Variants in TAFA5 observed in about 807,000 individuals in gnomAD.
TAFA5 encodes chemokine-like protein TAFA-5.
In TAFA5, 6 loss-of-function variants were observed where a neutral mutation model predicts 15.3. The observed-to-expected ratio is 0.39, with a 90% CI of 0.21 to 0.77. The LOEUF (loss-of-function observed/expected upper bound fraction) is 0.77, where lower values mean the gene tolerates loss of function less well. Ranked by LOEUF, TAFA5 falls within the 30% of genes least tolerant of loss-of-function variation. The pLI, the probability that TAFA5 is intolerant of heterozygous loss-of-function variation, is 0.41. For synonymous variants in TAFA5, 103 were observed against 80.7 expected, an observed-to-expected ratio of 1.28 and a Z score of -1.48; for missense variants, 161 against 193.1, an observed-to-expected ratio of 0.83 and a Z score of 0.98.
rs574873232 is a variant in TAFA5 at position 48,564,825 on chromosome 22, C to A, written c.112+75121C>A. Among the ~76,000 whole-genome samples, 80 of 152,350 alleles carry A rather than the reference C, an allele frequency of 5.3e-4. No individual in the cohort carries two copies. In the South Asian group the frequency reaches 0.016, roughly 31 times the overall value. The stretch of plus-strand genomic sequence containing the variant: ...GCAGCGAGGCTCAGCTGACTATAAC[C>A]AGCATGGAAGCAGGACAGCTACCCC... On this transcript the variant is annotated intron_variant, in intron 1 of 3. Coordinates refer to ENST00000402357, the MANE Select transcript of TAFA5 (RefSeq NM_001082967.3).
chr22:48,694,694 C>A (rs935874663), intron 2 of TAFA5, among the ~76,000 whole-genome samples: 15 of 152,122 alleles, frequency 9.9e-5, no homozygotes, highest in African/African-American at 3.6e-4. Context: ...GGCCACAGTG[C>A]CCTGGCAAGG....
At chr22:48,575,913 G>A (rs1372181850) in intron 1 of TAFA5, among the ~76,000 whole-genome samples, 1 of 142,418 alleles carries the variant, frequency 7.0e-6, no homozygotes, top group Admixed American at 6.9e-5. Context: ...CCTGAGCCCC[G>A]GGCCGGAGCG....
intron 1 of TAFA5, chr22:48,576,385 G>C (rs940569323): frequency 5.2e-5 from 64 of 1,221,920 alleles, no homozygotes; most frequent in African/African-American, 2.4e-4. Flanking sequence ...GGGCGCGAGC[G>C]GGCGGCCGCG....
chr22:48,635,785 A>T (rs1249913197), intron 1 of TAFA5, among the ~76,000 whole-genome samples: 1 of 152,122 alleles, frequency 6.6e-6, no homozygotes, highest in Non-Finnish European at 1.5e-5. Flanking sequence ...GAGCCAGTGC[A>T]GGGAGCTGAA....
At chr22:48,696,260 G>A (rs1667100997) in intron 2 of TAFA5, among the ~76,000 whole-genome samples, 1 of 152,156 alleles carries the variant, frequency 6.6e-6, no homozygotes, top group African/African-American at 2.4e-5. Flanking sequence ...GCATTTCTCA[G>A]CACTCTGCGT....
intron 1 of TAFA5, among the ~76,000 whole-genome samples, chr22:48,522,789 G>A (rs1398744263): frequency 6.6e-6 from 1 of 152,228 alleles, no homozygotes; most frequent in Non-Finnish European, 1.5e-5. Flanking sequence ...GTCGGCCCAA[G>A]GAGCCCACAT....
intron 2 of TAFA5, among the ~76,000 whole-genome samples, chr22:48,693,665 G>T (rs1020814872): frequency 6.6e-6 from 1 of 152,108 alleles, no homozygotes; most frequent in Admixed American, 6.5e-5. Flanking sequence ...TCTCAGTCCC[G>T]CACCACACCG....
At chr22:48,634,145 T>TCAC (rs1569056993) in intron 1 of TAFA5, among the ~76,000 whole-genome samples, 4 of 105,998 alleles carry the variant, frequency 3.8e-5, no homozygotes, top group African/African-American at 1.1e-4. Flanking sequence ...CACTCACTCA[T>TCAC]TTATTCACTC....
At chr22:48,741,734 C>T (rs1410553811) in intron 3 of TAFA5, among the ~76,000 whole-genome samples, 1 of 152,096 alleles carries the variant, frequency 6.6e-6, no homozygotes, top group Non-Finnish European at 1.5e-5. Context: ...CAGAAGCCAG[C>T]CTTGCCGCAC....
chr22:48,723,007 T>C (rs1929615463), intron 3 of TAFA5, among the ~76,000 whole-genome samples: 1 of 152,180 alleles, frequency 6.6e-6, no homozygotes, highest in Admixed American at 6.5e-5. Flanking sequence ...GAGAAGCTCG[T>C]TCTAGCTGTC....
Position 48,563,867 on chromosome 22 carries a change from C to G in TAFA5, c.112+74163C>G, listed in dbSNP as rs556526713. Among the ~76,000 whole-genome samples, 107 of 152,378 alleles carry G rather than the reference C, an allele frequency of 7.0e-4. 2 individuals carry two copies. In the South Asian group the frequency reaches 0.022, roughly 31 times the overall value. ...TCCCTCACTGGCCTGCCTGGCCCAG[C>G]CCGCCTCCAGGTCCTACCAGGTTCC... On this transcript the variant is annotated intron_variant, in intron 1 of 3. Coordinates refer to ENST00000402357, the MANE Select transcript of TAFA5 (RefSeq NM_001082967.3).
intron 3 of TAFA5, among the ~76,000 whole-genome samples, chr22:48,736,202 G>A (rs371348484): frequency 6.1e-4 from 27 of 44,334 alleles, no homozygotes; most frequent in Middle Eastern, 0.015. Flanking sequence ...TCACACTCCT[G>A]GAGTCCAGAG....
chr22:48,670,092 A>T (rs1341163436), intron 2 of TAFA5, among the ~76,000 whole-genome samples: 4 of 152,200 alleles, frequency 2.6e-5, no homozygotes, highest in African/African-American at 9.7e-5. Flanking sequence ...CCAGATGTTC[A>T]GCCCTGGCCT....
intron 1 of TAFA5, among the ~76,000 whole-genome samples, chr22:48,582,592 C>T (rs1924103884): frequency 6.6e-6 from 1 of 151,066 alleles, no homozygotes; most frequent in African/African-American, 2.4e-5. Context: ...ATACCACACA[C>T]AAAATACACC....
At position 48,576,039 on chromosome 22, in the gene TAFA5, A is replaced by ACCCCCCCCCCC. The variant is rs535068094; in HGVS notation, c.113-70554_113-70544dup. Among the ~76,000 whole-genome samples the ACCCCCCCCCCC allele has an allele frequency of 8.9e-4, 28 of 31,430 alleles. 4 individuals are homozygous for ACCCCCCCCCCC. The highest frequency in any genetic ancestry group is 3.3e-3 in the African/African-American group (14 of 4,260). The allele number at this position is 31,430 out of a possible 152,430, so 20.6% of individuals were successfully genotyped here. A position where few individuals can be genotyped will look rare whatever the true frequency, so the allele number is the denominator to read the frequency against. Reference sequence around the variant, plus strand: ...GAGGAGGGGGCCGGGGCCGCGCCGGACCCCCCCCCCCCCCGCGCCGCCCGG... The same window carrying ACCCCCCCCCCC: ...GAGGAGGGGGCCGGGGCCGCGCCGGACCCCCCCCCCCCCCCCCCCCCCCCCGCGCCGCCCGG... On this transcript the variant is annotated intron_variant, in intron 1 of 3. Coordinates refer to ENST00000402357, the MANE Select transcript of TAFA5 (RefSeq NM_001082967.3).
rs139375880 is a variant in TAFA5, at chr22:48,627,896, G to C, written c.113-18701G>C. Among the ~76,000 whole-genome samples the C allele has an allele frequency of 3.9e-5, 6 of 152,338 alleles. No individual in the cohort carries two copies. The East Asian group carries it at 1.2e-3, about 29-fold the overall frequency. ...CAGCAACACATGCCAGCAAGGACGG[G>C]GGGTTGCATATTCTCCAGATGCTCC... On this transcript the variant is annotated intron_variant, in intron 1 of 3. Coordinates refer to ENST00000402357, the MANE Select transcript of TAFA5 (RefSeq NM_001082967.3).
intron 1 of TAFA5, among the ~76,000 whole-genome samples, chr22:48,643,159 A>G (rs1239358874): frequency 6.6e-6 from 1 of 152,208 alleles, no homozygotes; most frequent in African/African-American, 2.4e-5. Flanking sequence ...GAGGCACTGC[A>G]ACCCGGCTGC....
intron 1 of TAFA5, among the ~76,000 whole-genome samples, chr22:48,620,807 C>A: frequency 1.8e-5 from 1 of 57,120 alleles, no homozygotes; most frequent in Non-Finnish European, 3.2e-5. Context: ...ATCCACCCAC[C>A]CACCCACCCT....
chr22:48,642,785 G>A (rs546302826), intron 1 of TAFA5, among the ~76,000 whole-genome samples: 3 of 152,196 alleles, frequency 2.0e-5, no homozygotes, highest in African/African-American at 7.2e-5. Flanking sequence ...ACATTCACAT[G>A]TGGGGGGTGT....
Sources: allele counts gnomAD v4.1 joint callset (sites outside exome capture counted in the v4.1 genomes callset), GRCh38; gene constraint gnomAD v4.1.1; transcripts MANE v1.5; gene names NCBI Gene and HGNC (gene_info 2026-07-23, HGNC 2026-07-21).